The following NRG1 variants were observed in gnomAD, a reference collection of about 807,000 sequenced individuals.
NRG1 encodes the protein pro-neuregulin-1, membrane-bound isoform.
A neutral mutation model predicts 63.8 loss-of-function variants in NRG1; 18 were observed. The ratio of observed to expected loss-of-function variants is 0.28; its 90% CI spans 0.19 to 0.42. The LOEUF (loss-of-function observed/expected upper bound fraction) is 0.42. Among genes scored for constraint, NRG1 ranks in the 10% least tolerant of loss-of-function variants. The pLI is 1.00. For synonymous variants in NRG1, 302 were observed against 301.3 expected, an observed-to-expected ratio of 1.00 and a Z score of -0.02; for missense variants, 762 against 814.7, an observed-to-expected ratio of 0.94 and a Z score of 0.79.
intron 5 of NRG1, among the ~76,000 whole-genome samples, chr8:32,642,733 C>T (rs1373992367): frequency 6.6e-6 from 1 of 152,104 alleles, no homozygotes; most frequent in Middle Eastern, 3.2e-3. Context: ...TACTCTTTTG[C>T]CAGCCGTAAA....
chr8:32,750,894 C>T (rs909657087), intron 7 of NRG1, among the ~76,000 whole-genome samples: 1 of 151,758 alleles, frequency 6.6e-6, no homozygotes, highest in African/African-American at 2.4e-5. Flanking sequence ...AGTTTCTTCC[C>T]TCAGGGAAAA....
intron 1 of NRG1, chr8:32,287,165 A>T (rs887012495): frequency 6.6e-6 from 1 of 152,230 alleles, no homozygotes; most frequent in Non-Finnish European, 1.5e-5. Context: ...TTCATCTATC[A>T]TACTACCCGA....
At chr8:32,586,227 A>G (rs1190462095) in intron 1 of NRG1, among the ~76,000 whole-genome samples, 2 of 145,700 alleles carry the variant, frequency 1.4e-5, no homozygotes, top group Non-Finnish European at 3.0e-5. Flanking sequence ...TATACTATAT[A>G]TAAATATACT....
At chr8:32,488,980 A>T (rs1826223933) in intron 1 of NRG1, among the ~76,000 whole-genome samples, 2 of 152,204 alleles carry the variant, frequency 1.3e-5, no homozygotes, top group Admixed American at 1.3e-4. Context: ...TTAGAGAGGG[A>T]GTGAAAGTTT....
intron 1 of NRG1, chr8:32,098,656 G>A (rs1034237256): frequency 6.6e-6 from 1 of 152,160 alleles, no homozygotes; most frequent in African/African-American, 2.4e-5. Context: ...CCTGGCTTTT[G>A]TAACTCTCAG....
chr8:31,833,110 GTTCA>G (rs2129606296), intron 1 of NRG1, among the ~76,000 whole-genome samples: 1 of 152,212 alleles, frequency 6.6e-6, no homozygotes, highest in South Asian at 2.1e-4. Flanking sequence ...TGTGGAAACT[GTTCA>G]AAGATTGGGA....
chr8:32,100,271 A>G (rs144658197), intron 1 of NRG1, among the ~76,000 whole-genome samples: 1 of 152,338 alleles, frequency 6.6e-6, no homozygotes, highest in African/African-American at 2.4e-5. Flanking sequence ...TGTGGGCAGG[A>G]TTGTTAAGTG....
intron 1 of NRG1, among the ~76,000 whole-genome samples, chr8:31,865,974 C>T (rs1828920365): frequency 6.6e-6 from 1 of 152,134 alleles, no homozygotes; most frequent in African/African-American, 2.4e-5. Context: ...CATATTTCTC[C>T]ACCTGGTCAC....
At chr8:31,994,876 T>C (rs1189951791) in intron 1 of NRG1, among the ~76,000 whole-genome samples, 1 of 151,846 alleles carries the variant, frequency 6.6e-6, no homozygotes, top group Middle Eastern at 3.2e-3. Flanking sequence ...AAATATAAAT[T>C]AAGATACTAG....
chr8:31,716,737 G>T (rs4305860), intron 1 of NRG1, among the ~76,000 whole-genome samples: 1 of 151,940 alleles, frequency 6.6e-6, no homozygotes. Flanking sequence ...GTCTAAATAC[G>T]GTTCTAATTT....
At chr8:32,373,728 A>G (rs1809240344) in intron 1 of NRG1, among the ~76,000 whole-genome samples, 1 of 152,150 alleles carries the variant, frequency 6.6e-6, no homozygotes, top group Non-Finnish European at 1.5e-5. Context: ...CAGTGAGCCA[A>G]GATTGCACCA....
chr8:32,510,875 C>A (rs765668402), intron 1 of NRG1, among the ~76,000 whole-genome samples: 1 of 151,948 alleles, frequency 6.6e-6, no homozygotes, highest in Non-Finnish European at 1.5e-5. Context: ...TTCTCAACTT[C>A]TCTCTCCAGG....
intron 1 of NRG1, among the ~76,000 whole-genome samples, chr8:32,210,249 T>G (rs1203998117): frequency 6.6e-6 from 1 of 152,134 alleles, no homozygotes; most frequent in Non-Finnish European, 1.5e-5. Flanking sequence ...TACCTATCAT[T>G]TTTTTCATAT....
intron 1 of NRG1, among the ~76,000 whole-genome samples, chr8:32,588,336 C>T (rs1841980502): frequency 1.3e-5 from 2 of 152,138 alleles, no homozygotes; most frequent in Non-Finnish European, 2.9e-5. Flanking sequence ...CTGATTGTGG[C>T]TCATACCCTC....
chr8:31,750,816 T>C (rs965248336), intron 1 of NRG1, among the ~76,000 whole-genome samples: 1 of 152,012 alleles, frequency 6.6e-6, no homozygotes, highest in Non-Finnish European at 1.5e-5. Context: ...GTCATAGCTT[T>C]CTTCTAGTTT....
intron 1 of NRG1, among the ~76,000 whole-genome samples, chr8:32,350,824 TTATATATTGA>T (rs1230773146): frequency 6.6e-6 from 1 of 152,086 alleles, no homozygotes; most frequent in Non-Finnish European, 1.5e-5. Context: ...CTTGAATTTG[TTATATATTGA>T]TTTGTTGATT....
At chr8:31,829,115 T>C (rs1487314727) in intron 1 of NRG1, among the ~76,000 whole-genome samples, 1 of 152,234 alleles carries the variant, frequency 6.6e-6, no homozygotes, top group Non-Finnish European at 1.5e-5. Context: ...TCATGAGACT[T>C]CTTGGATTAA....
At chr8:32,309,642 C>T (rs1388703060) in intron 1 of NRG1, among the ~76,000 whole-genome samples, 1 of 152,048 alleles carries the variant, frequency 6.6e-6, no homozygotes, top group Non-Finnish European at 1.5e-5. Flanking sequence ...CTTTAAATAC[C>T]TTTTCCAACA....
intron 1 of NRG1, among the ~76,000 whole-genome samples, chr8:31,784,831 G>T (rs1820026421): frequency 1.3e-5 from 2 of 152,126 alleles, no homozygotes; most frequent in African/African-American, 4.8e-5. Context: ...TTAAAAATTG[G>T]ACTCATGGTG....
Sources: allele counts gnomAD v4.1 joint callset (sites outside exome capture counted in the v4.1 genomes callset), GRCh38; gene constraint gnomAD v4.1.1; transcripts MANE v1.5; gene names NCBI Gene and HGNC (gene_info 2026-07-23, HGNC 2026-07-21).